ANKRD28: variants seen among roughly 807,000 people sequenced by gnomAD.
ANKRD28 encodes serine/threonine-protein phosphatase 6 regulatory ankyrin repeat subunit A.
A neutral mutation model predicts 126.5 loss-of-function variants in ANKRD28; 44 were observed. That is an observed-to-expected ratio of 0.35 (90% CI 0.27 to 0.45). The LOEUF is 0.45. ANKRD28 is among the 20% of genes least tolerant of loss of function. The pLI is 1.00. For synonymous variants in ANKRD28, 442 were observed against 468.5 expected (o/e 0.94, Z 0.73); for missense variants, 1,110 against 1,316.6 (o/e 0.84, Z 2.43).
intron 4 of ANKRD28, among the ~76,000 whole-genome samples, chr3:15,739,745 T>C (rs2075305687): frequency 6.6e-6 from 1 of 152,192 alleles, no homozygotes; most frequent in African/African-American, 2.4e-5. Flanking sequence ...ACCCATACCA[T>C]TTTAGGCCTC....
chr3:15,798,050 T>C, upstream of ANKRD28: 1 of 985,356 alleles, frequency 1.0e-6, no homozygotes, highest in African/African-American at 1.7e-5. Flanking sequence ...CCTTCACAAT[T>C]AGAAGGTTCA....
At chr3:15,720,300 A>G (rs927376274) in intron 8 of ANKRD28, among the ~76,000 whole-genome samples, 1 of 152,176 alleles carries the variant, frequency 6.6e-6, no homozygotes, top group Admixed American at 6.5e-5. Flanking sequence ...ATTTGAAAAG[A>G]TCTGTAGAGT....
At chr3:15,729,530 T>C (rs1408775890) in intron 6 of ANKRD28, among the ~76,000 whole-genome samples, 1 of 152,236 alleles carries the variant, frequency 6.6e-6, no homozygotes, top group Non-Finnish European at 1.5e-5. Flanking sequence ...AAGGCTGTTC[T>C]ACTTCTTGAT....
intron 1 of ANKRD28, 139 bp downstream of exon 1, chr3:15,796,266 C>T (rs867021182): frequency 6.4e-5 from 21 of 330,576 alleles, no homozygotes; most frequent in Middle Eastern, 1.3e-3. Context: ...TACAAAAATA[C>T]TGCATCATAT....
intron 2 of ANKRD28, among the ~76,000 whole-genome samples, chr3:15,777,289 G>GA (rs1240219029): frequency 7.4e-5 from 10 of 134,482 alleles, no homozygotes; most frequent in African/African-American, 2.7e-4. Context: ...AAAAAAAAAA[G>GA]AAAAAAAAGA....
In ANKRD28 at chr3:15,830,854, T is replaced by C. The variant is rs992745454; in HGVS notation, c.27+28523A>G. 6.6e-6 allele frequency among the ~76,000 whole-genome samples: 1 copy of C among 152,148 alleles called. No individual in the cohort carries two copies. The highest frequency in any genetic ancestry group is 2.4e-5 in the African/African-American group (1 of 41,420). ...GTATCAGCTTGACCTCTGGAGGGGA[T>C]GGAGACTAACATCAGCCACAGGTGT... On this transcript the variant is annotated intron_variant, in intron 1 of 27. Coordinates refer to the ANKRD28 transcript ENST00000399451. This position sits in a 1 kb window ranked among gnomAD's most constrained non-coding sequence, Gnocchi z 4.5.
At chr3:15,685,508 G>T in intron 20 of ANKRD28, 63 bp from the exon 21 acceptor site, 1 of 1,509,670 alleles carries the variant, frequency 6.6e-7, no homozygotes, top group Non-Finnish European at 9.2e-7. Flanking sequence ...GCCAATTTCA[G>T]CTAATTAAAA....
At position 15,854,575 on chromosome 3, in the gene ANKRD28, CTG is replaced by C. The variant is rs1256154300; in HGVS notation, c.27+4800_27+4801del. Among the ~76,000 whole-genome samples, 1 of 152,222 alleles carries C rather than the reference CTG, an allele frequency of 6.6e-6. No individual in the cohort carries two copies. Among genetic ancestry groups the C allele is most frequent in the Non-Finnish European group, 1.5e-5 (1 of 68,042 alleles). On this transcript the variant is annotated intron_variant, in intron 1 of 27. Coordinates refer to the ANKRD28 transcript ENST00000399451. The surrounding 1 kb of genome is among the most constrained non-coding windows in gnomAD (Gnocchi z 4.1). ...AGGAAACACAGAACTTGTTTTTGAA[CTG>C]TATGTTACATTTTCAATTAATATGC...
intron 1 of ANKRD28, among the ~76,000 whole-genome samples, chr3:15,849,353 A>G (rs562988668): frequency 8.1e-4 from 123 of 152,366 alleles, no homozygotes; most frequent in Non-Finnish European, 1.1e-3. Context: ...TAAAAAACAA[A>G]AACAAAAATT....
rs191876054 is a variant in ANKRD28 at position 15,813,154 on chromosome 3, C to A, written c.28-17848G>T. On this transcript the variant is annotated intron_variant, in intron 1 of 27. Coordinates refer to the ANKRD28 transcript ENST00000399451. ...TGAGGTGAGCAGTTCACTTTTGAGC[C>A]CAGGTGTTCAAGACCAGTCTGGGCA... Among the ~76,000 whole-genome samples, 327 of 151,672 alleles carry A rather than the reference C, an allele frequency of 2.2e-3. 1 individual carries two copies. The highest frequency in any genetic ancestry group is 7.7e-3 in the African/African-American group (317 of 41,326).
At chr3:15,834,949 A>G (rs2061290466) in intron 1 of ANKRD28, among the ~76,000 whole-genome samples, 1 of 152,192 alleles carries the variant, frequency 6.6e-6, no homozygotes, top group East Asian at 1.9e-4. Flanking sequence ...GAAGTCCGAG[A>G]CTAGCCTGGC....
intron 17 of ANKRD28, among the ~76,000 whole-genome samples, chr3:15,693,352 C>T (rs1001048279): frequency 2.0e-5 from 3 of 149,160 alleles, no homozygotes; most frequent in Non-Finnish European, 3.0e-5. Flanking sequence ...AGAGAGAGAC[C>T]GACCCACTAA....
chr3:15,694,136 T>C (rs2069191227), intron 17 of ANKRD28, among the ~76,000 whole-genome samples: 1 of 152,130 alleles, frequency 6.6e-6, no homozygotes, highest in Non-Finnish European at 1.5e-5. Flanking sequence ...CTACTTGAAA[T>C]TTAAGGTAAT....
Position 15,694,791 on chromosome 3 carries a change from T to C in ANKRD28, c.1709A>G (p.Asp570Gly). ...TCTATTATCTGAATCACTCAGCATG[T>C]CTGTTCCTGAGGTTTCCATTAACTG... Reference protein sequence around the residue: ...LDVLMETSGTDMLSDSDNRAT... With the variant: ...LDVLMETSGTGMLSDSDNRAT... The change falls in exon 17 of 28, where the codon GAC (aspartate) becomes GGC (glycine). Residue 570 changes from aspartate to glycine, a missense_variant. Asp to Gly is a moderately conservative substitution (Grantham distance 94, BLOSUM62 -1). Transcript: ENST00000683139. The C allele has an allele frequency of 4.3e-6, 7 of 1,613,578 alleles. No homozygotes were observed. The highest frequency in any genetic ancestry group is 5.1e-6 in the Non-Finnish European group (6 of 1,179,530).
At chr3:15,855,487 T>C (rs965322289) in intron 1 of ANKRD28, among the ~76,000 whole-genome samples, 1 of 152,130 alleles carries the variant, frequency 6.6e-6, no homozygotes, top group African/African-American at 2.4e-5. Context: ...ACAAAGTTCA[T>C]AAAACAAATT....
intron 3 of ANKRD28, among the ~76,000 whole-genome samples, chr3:15,756,321 T>C (rs2058152647): frequency 6.6e-6 from 1 of 152,230 alleles, no homozygotes; most frequent in Non-Finnish European, 1.5e-5. Context: ...GCTAATCAGT[T>C]TCCTCTCACC....
At chr3:15,754,025 A>G (rs1375123416) in intron 3 of ANKRD28, among the ~76,000 whole-genome samples, 2 of 152,162 alleles carry the variant, frequency 1.3e-5, no homozygotes, top group African/African-American at 4.8e-5. Flanking sequence ...AAAAAGCAGT[A>G]ATTGTATGAC....
intron 1 of ANKRD28, among the ~76,000 whole-genome samples, chr3:15,823,449 C>A (rs1419322668): frequency 6.6e-6 from 1 of 152,216 alleles, no homozygotes; most frequent in Non-Finnish European, 1.5e-5. Context: ...GACTACATGG[C>A]TTTGCTGATG....
intron 3 of ANKRD28, 132 bp from the exon 4 acceptor site, chr3:15,751,952 T>C: frequency 1.7e-6 from 1 of 587,976 alleles, no homozygotes; most frequent in Non-Finnish European, 2.8e-6. Context: ...TTTTACACTT[T>C]CTGCTGATAA....
Sources: gnomAD v4.1 joint callset for allele counts (sites outside exome capture counted in the v4.1 genomes callset) on GRCh38, gnomAD v4.1.1 for gene constraint, Gnocchi (gnomAD v3.1) non-coding constraint, MANE v1.5 for transcripts, NCBI Gene and HGNC (gene_info 2026-07-23, HGNC 2026-07-21) for gene names.